ESR2: variants seen among roughly 807,000 people sequenced by gnomAD.
The protein encoded by ESR2 is estrogen receptor 2.
A neutral mutation model predicts 49.6 loss-of-function variants in ESR2; 36 were observed. The observed-to-expected ratio is 0.73, with a 90% CI of 0.56 to 0.96. The LOEUF is 0.96. Ranked by LOEUF, ESR2 falls within the 40% of genes least tolerant of loss-of-function variation. ESR2 has a pLI of 0.00. For synonymous variants in ESR2, 320 were observed against 266.1 expected (o/e 1.20, Z -1.97); for missense variants, 714 against 693.0 (o/e 1.03, Z -0.34).
downstream of ESR2, chr14:64,227,995 C>G (rs2098723408): frequency 6.5e-7 from 1 of 1,549,948 alleles, no homozygotes; most frequent in East Asian, 2.3e-5. Context: ...ATAATCGATG[C>G]ACTGGATACC....
chr14:64,235,142 G>A lies in ESR2; in HGVS notation c.1234C>T (p.Pro412Ser), dbSNP rs919260775. ...AMILLNSSMY[P>S]LVTATQDADS... is the part of the protein sequence containing the mutation. Reference sequence around the variant, plus strand: ...GCATCCTGGGTCGCTGTGACCAGAGGGTACATACCTGGACAAAGAATAAAA... The same window carrying A: ...GCATCCTGGGTCGCTGTGACCAGAGAGTACATACCTGGACAAAGAATAAAA... The change falls in exon 8 of 9, where the codon CCT (proline) becomes TCT (serine). Residue 412 changes from proline to serine, a missense_variant. Transcript: ENST00000341099. 3.7e-6 allele frequency: 6 copies of A among 1,612,816 alleles called. No homozygotes were observed. Among genetic ancestry groups the A allele is most frequent in the Non-Finnish European group, 5.1e-6 (6 of 1,179,600 alleles).
intron 1 of ESR2, among the ~76,000 whole-genome samples, chr14:64,314,001 T>C (rs1319289856): frequency 6.6e-6 from 1 of 151,792 alleles, no homozygotes; most frequent in East Asian, 1.9e-4. Flanking sequence ...ATAGAAAAAC[T>C]CAACCACACC....
At chr14:64,234,930 C>A (rs563871991) in intron 8 of ESR2, 40 bp downstream of exon 8, 7 of 1,600,014 alleles carry the variant, frequency 4.4e-6, no homozygotes, top group African/African-American at 4.0e-5. Flanking sequence ...CACATAATCC[C>A]ATCCCAAGCC....
intron 1 of ESR2, chr14:64,303,671 G>A (rs1267481612): frequency 2.0e-5 from 3 of 152,134 alleles, no homozygotes; most frequent in Non-Finnish European, 2.9e-5. Context: ...TAGTGGATAG[G>A]AAAGAGTAAG....
intron 1 of ESR2, among the ~76,000 whole-genome samples, chr14:64,318,887 A>G (rs1408440553): frequency 6.6e-6 from 1 of 152,114 alleles, no homozygotes; most frequent in African/African-American, 2.4e-5. Flanking sequence ...TACAAAAAAT[A>G]CAATTAGCCA....
chr14:64,244,313 T>G (rs2075802879), intron 7 of ESR2, among the ~76,000 whole-genome samples: 1 of 151,302 alleles, frequency 6.6e-6, no homozygotes, highest in Admixed American at 6.6e-5. Flanking sequence ...GGCAGGAGAA[T>G]CGCTTGAACC....
In ESR2 at chr14:64,260,722, G is replaced by T; in HGVS notation, c.679C>A (p.Arg227Ser). The stretch of plus-strand genomic sequence containing the variant: ...GCACTTCTCTGTCTCCGCACAAGGC[G>T]GTACCCACATCTCTCTCTCCGGGAG... ...CGSRRERCGY[R>S]LVRRQRSADE... Residue 227 changes from arginine to serine, a missense_variant, in exon 5 of 9, where the codon CGC (arginine) becomes AGC (serine). Coordinates refer to ENST00000341099, the MANE Select transcript of ESR2 (RefSeq NM_001437.3). The T allele has an allele frequency of 6.6e-7, 1 of 1,519,034 alleles. No homozygotes were observed. Among genetic ancestry groups the T allele is most frequent in the African/African-American group, 1.4e-5 (1 of 71,638 alleles). 94.1% of individuals were successfully genotyped at this position (1,519,034 alleles called of 1,614,324 possible). A position where few individuals can be genotyped will look rare whatever the true frequency, so the allele number is the denominator to read the frequency against.
At chr14:64,289,302 C>T (rs3783735) in intron 1 of ESR2, among the ~76,000 whole-genome samples, 12,647 of 152,052 alleles carry the variant, frequency 0.083, 1,136 homozygotes, top group African/African-American at 0.22. Flanking sequence ...CACCTGAGGT[C>T]GGGAGTTTGA....
chr14:64,243,693 C>A (rs1203724476), intron 7 of ESR2, among the ~76,000 whole-genome samples: 1 of 152,158 alleles, frequency 6.6e-6, no homozygotes, highest in Admixed American at 6.5e-5. Context: ...CTGAGAAGTG[C>A]CCAATACCCA....
intron 1 of ESR2, among the ~76,000 whole-genome samples, chr14:64,310,317 A>ATTATTATTATTATTATT (rs1567795803): frequency 2.7e-5 from 4 of 148,886 alleles, no homozygotes; most frequent in African/African-American, 9.9e-5. Context: ...TAATAATAAT[A>ATTATTATTATTATTATT]ATTCTGGGTG....
chr14:64,241,486 C>T (rs2075728274), intron 7 of ESR2, among the ~76,000 whole-genome samples: 1 of 152,162 alleles, frequency 6.6e-6, no homozygotes, highest in African/African-American at 2.4e-5. Flanking sequence ...CAATTTCTAC[C>T]AAAAAGCCTC....
rs1320225924 is a variant in ESR2 at position 64,299,606 on chromosome 14, C to CCCGCCT, written c.-90-16537_-90-16532dup. ...CTCGATCTCCTGGCCTCCTGATCCA[C>CCCGCCT]CCGCCTCCGCCTCCCAAAGTGCTGG... On this transcript the variant is annotated intron_variant, in intron 1 of 8. Transcript: ENST00000358599. Among the ~76,000 whole-genome samples, 3 of 152,132 alleles carry CCCGCCT rather than the reference C, an allele frequency of 2.0e-5. No individual in the cohort carries two copies. In the East Asian group the frequency reaches 5.8e-4, roughly 29 times the overall value.
intron 1 of ESR2, among the ~76,000 whole-genome samples, chr14:64,313,592 G>C (rs942446882): frequency 6.7e-6 from 1 of 149,208 alleles, no homozygotes; most frequent in African/African-American, 2.5e-5. Context: ...AGAAAGAAAA[G>C]AAAAAAGAAA....
intron 7 of ESR2, among the ~76,000 whole-genome samples, chr14:64,244,977 CAAT>C (rs1384490372): frequency 6.6e-6 from 1 of 152,112 alleles, no homozygotes; most frequent in Non-Finnish European, 1.5e-5. Context: ...GTCCAATGTC[CAAT>C]ATCTGTTTTA....
intron 6 of ESR2, among the ~76,000 whole-genome samples, chr14:64,253,187 CTTTTTAT>C (rs776276426): frequency 6.6e-6 from 1 of 151,240 alleles, no homozygotes; most frequent in African/African-American, 2.4e-5. Context: ...AAGAATATTG[CTTTTTAT>C]TTTTTATTTT....
chr14:64,239,481 T>G (rs571805320), intron 7 of ESR2, among the ~76,000 whole-genome samples: 12 of 152,342 alleles, frequency 7.9e-5, no homozygotes, highest in African/African-American at 2.6e-4. Flanking sequence ...TTAAAACTGT[T>G]TAAATAGACT....
At chr14:64,315,694 T>G (rs1318084874) in intron 1 of ESR2, among the ~76,000 whole-genome samples, 1 of 149,312 alleles carries the variant, frequency 6.7e-6, no homozygotes, top group Admixed American at 6.7e-5. Flanking sequence ...CTTGCTCTGT[T>G]GACAGGCTGG....
intron 7 of ESR2, among the ~76,000 whole-genome samples, chr14:64,238,895 T>C (rs990446224): frequency 1.3e-5 from 2 of 152,210 alleles, no homozygotes; most frequent in South Asian, 2.1e-4. Context: ...CCAGCCCACC[T>C]GGTGACATTC....
intron 2 of ESR2, among the ~76,000 whole-genome samples, chr14:64,282,375 T>C (rs2076691875): frequency 6.6e-6 from 1 of 152,142 alleles, no homozygotes. Flanking sequence ...TTAAGTTCAG[T>C]ATTTACTGTA....
Sources: gnomAD v4.1 joint callset for allele counts (sites outside exome capture counted in the v4.1 genomes callset) on GRCh38, gnomAD v4.1.1 for gene constraint, MANE v1.5 for transcripts, NCBI Gene and HGNC (gene_info 2026-07-23, HGNC 2026-07-21) for gene names.